Variants in USP45 observed in about 807,000 individuals in gnomAD.
The protein encoded by USP45 is ubiquitin carboxyl-terminal hydrolase 45.
A neutral mutation model predicts 95.8 loss-of-function variants in USP45; 89 were observed. The observed-to-expected ratio is 0.93, with a 90% CI of 0.78 to 1.11. The LOEUF (loss-of-function observed/expected upper bound fraction) is 1.11, where lower values mean the gene tolerates loss of function less well. Ranked by LOEUF, USP45 falls within the 50% of genes least tolerant of loss-of-function variation. The pLI is 0.00. For synonymous variants in USP45, 281 were observed against 316.2 expected (o/e 0.89, Z 1.18); for missense variants, 898 against 942.5 (o/e 0.95, Z 0.62).
intron 3 of USP45, 58 bp from the exon 4 acceptor site, chr6:99,507,589 C>A: frequency 8.1e-7 from 1 of 1,232,882 alleles, no homozygotes; most frequent in South Asian, 1.3e-5. Context: ...TCAAATTAAT[C>A]AAAACTTAAA....
Position 99,433,434 on chromosome 6 carries a change from A to G in USP45, c.*2282T>C, listed in dbSNP as rs1780006427. ...TTATAGTAGACTTGCTACTATATAC[A>G]TTTACTATCCCTGCAAATGTGCTTT... On this transcript the variant is annotated 3_prime_UTR_variant, in exon 18 of 18. Coordinates refer to ENST00000500704, the MANE Select transcript of USP45 (RefSeq NM_001346022.3). 1 of 152,622 alleles carries G rather than the reference A, an allele frequency of 6.6e-6. No homozygotes were observed. Among genetic ancestry groups the G allele is most frequent in the Non-Finnish European group, 1.5e-5 (1 of 68,034 alleles). The allele number at this position is 152,622 out of a possible 1,614,324, so 9.5% of individuals were successfully genotyped here. A position where few individuals can be genotyped will look rare whatever the true frequency, so the allele number is the denominator to read the frequency against.
At chr6:99,504,298 C>A (rs1415437911) in intron 4 of USP45, among the ~76,000 whole-genome samples, 1 of 152,166 alleles carries the variant, frequency 6.6e-6, no homozygotes, top group East Asian at 1.9e-4. Context: ...CACCACTACG[C>A]CCAGCTAATT....
intron 9 of USP45, among the ~76,000 whole-genome samples, chr6:99,472,221 A>AAT (rs1554238665): frequency 1.4e-5 from 2 of 143,916 alleles, no homozygotes; most frequent in East Asian, 2.0e-4. Context: ...TCACTTACTA[A>AAT]TTTTTTTTTT....
chr6:99,478,871 CAA>C (rs1791566184), intron 8 of USP45, among the ~76,000 whole-genome samples: 1 of 152,096 alleles, frequency 6.6e-6, no homozygotes, highest in Non-Finnish European at 1.5e-5. Flanking sequence ...ACAGAAACTT[CAA>C]GAGACTGGTT....
chr6:99,444,867 C>T lies in USP45; in HGVS notation c.1975+930G>A, dbSNP rs1440931576. On this transcript the variant is annotated intron_variant, in intron 14 of 17. Coordinates refer to ENST00000500704, the MANE Select transcript of USP45 (RefSeq NM_001346022.3). Reference sequence around the variant, plus strand: ...CACTTCTTGGGAACTATGAATAACACACTATTTCTTCAGTGGCAATTATCT... The same window carrying T: ...CACTTCTTGGGAACTATGAATAACATACTATTTCTTCAGTGGCAATTATCT... Among the ~76,000 whole-genome samples, 4 of 152,194 alleles carry T rather than the reference C, an allele frequency of 2.6e-5. No homozygotes were observed. The East Asian group carries it at 7.7e-4, about 29-fold the overall frequency.
intron 13 of USP45, among the ~76,000 whole-genome samples, chr6:99,455,662 TGTA>T (rs1369531735): frequency 6.6e-6 from 1 of 151,412 alleles, no homozygotes; most frequent in Admixed American, 6.6e-5. Flanking sequence ...ATAAAGAAAA[TGTA>T]GTATATATCC....
At chr6:99,463,800 CAAAAAAAAAAAAAA>C (rs398002416) in intron 13 of USP45, among the ~76,000 whole-genome samples, 67 of 84,442 alleles carry the variant, frequency 7.9e-4, no homozygotes, top group Admixed American at 7.3e-3. Context: ...GACTCCATCT[CAAAAAAAAAAAAAA>C]AAAAAAAAAA....
chr6:99,457,125 A>G (rs1475244956), intron 13 of USP45, among the ~76,000 whole-genome samples: 1 of 152,220 alleles, frequency 6.6e-6, no homozygotes, highest in African/African-American at 2.4e-5. Context: ...CTGTCTCCTG[A>G]TAAGATGTTA....
chr6:99,482,735 A>C lies in USP45; in HGVS notation c.845+18T>G. 6.4e-7 allele frequency: 1 copy of C among 1,573,804 alleles called. No individual in the cohort carries two copies. Among genetic ancestry groups the C allele is most frequent in the Non-Finnish European group, 8.6e-7 (1 of 1,164,858 alleles). The stretch of plus-strand genomic sequence containing the variant: ...TTTGTAACTCATAATTATTTATATT[A>C]AATGTAGATGCACCCACTTCTGACA... On this transcript the variant is annotated intron_variant, in intron 8 of 17. Transcript: ENST00000500704.
At chr6:99,470,427 A>C (rs1789125410) in intron 9 of USP45, among the ~76,000 whole-genome samples, 1 of 152,182 alleles carries the variant, frequency 6.6e-6, no homozygotes, top group Non-Finnish European at 1.5e-5. Flanking sequence ...CTGGCCTGTG[A>C]TTAACACATT....
At chr6:99,463,669 G>A (rs11154868) in intron 13 of USP45, among the ~76,000 whole-genome samples, 46,400 of 151,246 alleles carry the variant, frequency 0.31, 7,382 homozygotes, top group Middle Eastern at 0.39. Context: ...AAAATTAGCC[G>A]GGTGTGGTGA....
In USP45 at chr6:99,439,836, T is replaced by C; in HGVS notation, c.2093A>G (p.Lys698Arg). 1 of 1,607,506 alleles carries C rather than the reference T, an allele frequency of 6.2e-7. No individual in the cohort carries two copies. The highest frequency in any genetic ancestry group is 1.7e-5 in the Admixed American group (1 of 59,374). ...RFHQAGLSLR[K>R]VNRHVDFPLM... ...TGGAAAATCTACATGTCTGTTTACT[T>C]TACGAAGACTCAAGCCAGCCTTAAA... Residue 698 changes from lysine to arginine, a missense_variant, in exon 16 of 18, where the codon AAA becomes AGA. Coordinates refer to ENST00000500704, the MANE Select transcript of USP45 (RefSeq NM_001346022.3).
In USP45 at chr6:99,443,597, C is replaced by T. The variant is rs372043029; in HGVS notation, c.2041G>A (p.Val681Ile). The change falls in exon 15 of 18, where the codon GTC becomes ATC. Residue 681 changes from valine to isoleucine, a missense_variant. Coordinates refer to ENST00000500704, the MANE Select transcript of USP45 (RefSeq NM_001346022.3). ...KQLLISAVPA[V>I]LILHLKRFHQ... ...AATCTTTTCAGGTGGAGAATTAGGA[C>T]AGCTGGAACAGCAGAAATGAGCAAT... 4 of 1,609,020 alleles carry T rather than the reference C, an allele frequency of 2.5e-6. No homozygotes were observed. Among genetic ancestry groups the T allele is most frequent in the African/African-American group, 1.3e-5 (1 of 74,980 alleles).
At chr6:99,445,102 A>G (rs1782236251) in intron 14 of USP45, among the ~76,000 whole-genome samples, 1 of 152,182 alleles carries the variant, frequency 6.6e-6, no homozygotes. Flanking sequence ...AAAATCTTCA[A>G]AATTTATCTT....
At chr6:99,439,719 T>C (rs1781161341) in intron 16 of USP45, 50 bp downstream of exon 16, 1 of 1,326,768 alleles carries the variant, frequency 7.5e-7, no homozygotes, top group Non-Finnish European at 1.0e-6. Flanking sequence ...TATAGGATAC[T>C]TTCAAGCATA....
At chr6:99,445,344 A>G (rs950004200) in intron 14 of USP45, among the ~76,000 whole-genome samples, 13 of 152,004 alleles carry the variant, frequency 8.6e-5, no homozygotes, top group East Asian at 1.9e-4. Context: ...TTAGCTGGGC[A>G]TGGTGGTGGG....
At chr6:99,484,025 T>TTTTTTTTTA (rs1427246582) in intron 7 of USP45, among the ~76,000 whole-genome samples, 13 of 145,564 alleles carry the variant, frequency 8.9e-5, no homozygotes, top group African/African-American at 2.5e-4. Context: ...TTTTTTTTTT[T>TTTTTTTTTA]AAAGAGACAG....
chr6:99,465,726 C>A (rs966364098), intron 11 of USP45, among the ~76,000 whole-genome samples: 2 of 152,076 alleles, frequency 1.3e-5, no homozygotes, highest in Non-Finnish European at 2.9e-5. Flanking sequence ...TACTCATAAT[C>A]TGGGACAGGA....
intron 7 of USP45, among the ~76,000 whole-genome samples, chr6:99,485,602 A>G (rs554213091): frequency 8.7e-4 from 133 of 152,338 alleles, no homozygotes; most frequent in African/African-American, 3.1e-3. Context: ...GGGGCCTTCC[A>G]GATGCTGGTA....
Sources: gnomAD v4.1 joint callset for allele counts (sites outside exome capture counted in the v4.1 genomes callset) on GRCh38, gnomAD v4.1.1 for gene constraint, MANE v1.5 for transcripts, NCBI Gene and HGNC (gene_info 2026-07-23, HGNC 2026-07-21) for gene names.